GLP2R: variants seen among roughly 807,000 people sequenced by gnomAD.
GLP2R encodes glucagon-like peptide 2 receptor.
GLP2R carries 59 observed loss-of-function variants against 68.2 expected under a neutral mutation model. The observed-to-expected ratio is 0.87, with a 90% CI of 0.70 to 1.07. The LOEUF is 1.07. GLP2R is among the 50% of genes least tolerant of loss of function. The pLI is 0.00. For missense variants in GLP2R, 548 were observed against 677.4 expected, an observed-to-expected ratio of 0.81 and a Z score of 2.12; for synonymous variants, 270 against 265.4, an observed-to-expected ratio of 1.02 and a Z score of -0.17.
chr17:9,840,800 A>G (rs1159661457), intron 3 of GLP2R, among the ~76,000 whole-genome samples: 1 of 152,150 alleles, frequency 6.6e-6, no homozygotes, highest in Non-Finnish European at 1.5e-5. Context: ...TCAGGAGGGA[A>G]GGAGACAGCA....
rs368903717 is a variant in GLP2R at position 9,881,570 on chromosome 17, C to T, written c.1284+1054C>T. Among the ~76,000 whole-genome samples the T allele has an allele frequency of 7.9e-5, 11 of 138,598 alleles. No homozygotes were observed. The South Asian group carries it at 1.7e-3, about 21-fold the overall frequency. The allele number at this position is 138,598 out of a possible 152,430, so 90.9% of individuals were successfully genotyped here. A position where few individuals can be genotyped will look rare whatever the true frequency, so the allele number is the denominator to read the frequency against. ...TAATTTTTTGTATTTTTAGTAGAGA[C>T]GGGGTTTCACCGTTTTAGCCGGGAT... is the stretch of plus-strand genomic sequence containing the variant. On this transcript the variant is annotated intron_variant, in intron 11 of 12. Coordinates refer to ENST00000262441, the MANE Select transcript of GLP2R (RefSeq NM_004246.3).
rs1004744972 is a variant in GLP2R at position 9,869,577 on chromosome 17, G to A, written c.1057-1170G>A. Among the ~76,000 whole-genome samples the A allele has an allele frequency of 4.6e-5, 7 of 152,388 alleles. No homozygotes were observed. In the South Asian group the frequency reaches 8.3e-4, roughly 18 times the overall value. ...ATCTGAAGGCTTGGCTGGGGCTGGA[G>A]GATCAGCTCCCAAGGTGGCGCACAC... On this transcript the variant is annotated intron_variant, in intron 9 of 12. Transcript: ENST00000262441.
Position 9,857,490 on chromosome 17 carries a change from G to A in GLP2R, c.679G>A (p.Ala227Thr). The A allele has an allele frequency of 6.2e-7, 1 of 1,614,104 alleles. No individual in the cohort carries two copies. Among genetic ancestry groups the A allele is most frequent in the Admixed American group, 1.7e-5 (1 of 60,010 alleles). The change falls in exon 6 of 13, where the codon GCT becomes ACT. Residue 227 changes from alanine to threonine, a missense_variant. Physicochemically the swap from Ala to Thr is moderately conservative, Grantham distance 58. Transcript: ENST00000262441. ...LFASFILRTL[A>T]VLVKDVVFYN... ...TGCTTCTTTCATCCTGAGAACCCTGGCTGTACTGGTGAAGGACGTCGTCTT... is the reference window on the plus strand; with the variant it reads ...TGCTTCTTTCATCCTGAGAACCCTGACTGTACTGGTGAAGGACGTCGTCTT...
At chr17:9,852,195 A>G (rs888151867) in intron 4 of GLP2R, among the ~76,000 whole-genome samples, 2 of 151,896 alleles carry the variant, frequency 1.3e-5, no homozygotes, top group African/African-American at 4.8e-5. Context: ...TGCATTAGGT[A>G]TTTGCTGTAA....
intron 11 of GLP2R, among the ~76,000 whole-genome samples, chr17:9,881,571 G>A (rs965133242): frequency 6.5e-5 from 9 of 138,356 alleles, no homozygotes; most frequent in South Asian, 4.2e-4. Flanking sequence ...TAGTAGAGAC[G>A]GGGTTTCACC....
chr17:9,866,949 A>G (rs1210496590), intron 9 of GLP2R: 1 of 152,234 alleles, frequency 6.6e-6, no homozygotes, highest in Non-Finnish European at 1.5e-5. Context: ...CTGTGACATA[A>G]CCAATAAAAT....
chr17:9,875,991 C>T (rs1355640238), intron 10 of GLP2R, among the ~76,000 whole-genome samples: 2 of 152,202 alleles, frequency 1.3e-5, no homozygotes, highest in Non-Finnish European at 2.9e-5. Flanking sequence ...GATTCTCCTG[C>T]CCCAGCCTCT....
intron 9 of GLP2R, chr17:9,866,054 CTGTGCATTGGTT>C: frequency 2.6e-6 from 1 of 377,542 alleles, no homozygotes; most frequent in Middle Eastern, 5.2e-4. Flanking sequence ...TTCTAGGACT[CTGTGCATTGGTT>C]CTAGGGCTCC....
chr17:9,857,680 A>G (rs140320330), intron 6 of GLP2R, 104 bp downstream of exon 6: 2 of 1,119,814 alleles, frequency 1.8e-6, no homozygotes, highest in East Asian at 2.4e-5. Flanking sequence ...GCGGGAGATA[A>G]GAGGGTTTCC....
At chr17:9,826,332 A>C (rs2047666) in intron 1 of GLP2R, 80 bp downstream of exon 1, 112,536 of 935,204 alleles carry the variant, frequency 0.12, 9,471 homozygotes, top group African/African-American at 0.35. Flanking sequence ...GGCCTCATGT[A>C]AGCAATTTGG....
chr17:9,854,544 G>C lies in GLP2R; in HGVS notation c.554G>C (p.Gly185Ala). The change falls in exon 5 of 13, where the codon GGA becomes GCA. Residue 185 changes from glycine to alanine, a missense_variant. By Grantham distance (60) the Gly-to-Ala change is moderately conservative. Transcript: ENST00000262441. ...ACCTTGCAGCTGATGTACACCGTGG[G>C]ATACTCCTTCTCTCTTATCTCCCTC... ...LSTLQLMYTV[G>A]YSFSLISLFL... 1.2e-6 allele frequency: 2 copies of C among 1,612,952 alleles called. No homozygotes were observed. Among genetic ancestry groups the C allele is most frequent in the Non-Finnish European group, 1.7e-6 (2 of 1,178,968 alleles).
intron 11 of GLP2R, among the ~76,000 whole-genome samples, chr17:9,882,829 G>C (rs528262210): frequency 2.6e-5 from 4 of 152,256 alleles, no homozygotes; most frequent in East Asian, 1.9e-4. Flanking sequence ...CACATAACTA[G>C]TAGTCCAGAC....
chr17:9,836,953 G>A (rs934618165), intron 3 of GLP2R, among the ~76,000 whole-genome samples: 18 of 152,096 alleles, frequency 1.2e-4, no homozygotes, highest in South Asian at 4.2e-4. Context: ...AGGTTCAAGC[G>A]ATTCTCCTGC....
chr17:9,844,198 G>A (rs1358597104), intron 4 of GLP2R, among the ~76,000 whole-genome samples: 2 of 152,206 alleles, frequency 1.3e-5, no homozygotes, highest in Non-Finnish European at 2.9e-5. Context: ...GGAGGTAGAG[G>A]CCTCGGGAGA....
intron 4 of GLP2R, among the ~76,000 whole-genome samples, 167 bp downstream of exon 4, chr17:9,842,783 A>G (rs550059633): frequency 1.3e-5 from 2 of 152,328 alleles, no homozygotes; most frequent in South Asian, 4.1e-4. Context: ...TGTGGCGGCC[A>G]TGGAATTTCT....
At chr17:9,841,018 A>T (rs1364865027) in intron 3 of GLP2R, among the ~76,000 whole-genome samples, 2 of 138,968 alleles carry the variant, frequency 1.4e-5, no homozygotes, top group African/African-American at 2.7e-5. Flanking sequence ...GGTGTGGCTA[A>T]TTTTTTTTTT....
rs774184766 is a variant in GLP2R, at chr17:9,833,844, G to A, written c.227G>A (p.Trp76Ter). The A allele has an allele frequency of 1.9e-6, 3 of 1,613,590 alleles. No individual in the cohort carries two copies. Among genetic ancestry groups the A allele is most frequent in the Admixed American group, 3.3e-5 (2 of 59,998 alleles). Residue 76 changes from tryptophan (W) to a stop codon, truncating the protein, a stop_gained, in exon 2 of 13, where the codon TGG (tryptophan) becomes TAG (stop). Transcript: ENST00000262441. LOFTEE classifies it high-confidence loss of function. ...GSLLEETTRKWAQYKQACLRD... is the reference protein window; with the variant it reads ...GSLLEETTRK Reference sequence around the variant, plus strand: ...CTCCTTGAGGAAACGACTCGGAAGTGGGCTCAGTACAAACAGGCATGTCTG... The same window carrying A: ...CTCCTTGAGGAAACGACTCGGAAGTAGGCTCAGTACAAACAGGCATGTCTG...
At chr17:9,885,056 T>C (rs1597406607) in intron 11 of GLP2R, among the ~76,000 whole-genome samples, 1 of 152,186 alleles carries the variant, frequency 6.6e-6, no homozygotes, top group East Asian at 1.9e-4. Context: ...AATCCTAGAC[T>C]ATCAGACTCT....
intron 3 of GLP2R, among the ~76,000 whole-genome samples, chr17:9,841,102 T>C (rs1449711496): frequency 6.6e-6 from 1 of 150,720 alleles, no homozygotes; most frequent in Non-Finnish European, 1.5e-5. Context: ...CTGCAACCTC[T>C]GCCTCCCAGG....
Sources: gnomAD v4.1 joint callset for allele counts (sites outside exome capture counted in the v4.1 genomes callset) on GRCh38, gnomAD v4.1.1 for gene constraint, MANE v1.5 for transcripts, NCBI Gene and HGNC (gene_info 2026-07-23, HGNC 2026-07-21) for gene names.